LITAF: variants seen among roughly 807,000 people sequenced by gnomAD.
LITAF encodes the protein lipopolysaccharide-induced tumor necrosis factor-alpha factor.
In LITAF, 9 loss-of-function variants were observed where a neutral mutation model predicts 14.5. The ratio of observed to expected loss-of-function variants is 0.62; its 90% CI spans 0.37 to 1.08. The LOEUF is 1.08. Among genes scored for constraint, LITAF ranks in the 50% least tolerant of loss-of-function variants. LITAF has a pLI of 0.01. For synonymous variants in LITAF, 98 were observed against 88.2 expected (o/e 1.11, Z -0.62); for missense variants, 206 against 213.4 (o/e 0.97, Z 0.22).
rs184046482 is a variant in LITAF, at chr16:11,592,850, A to G, written c.-6+5538T>C. Among the ~76,000 whole-genome samples the G allele has an allele frequency of 2.9e-3, 437 of 152,162 alleles. 2 individuals carry two copies. The highest frequency in any genetic ancestry group is 2.7e-3 in the Non-Finnish European group (181 of 67,992). On this transcript the variant is annotated intron_variant, in intron 1 of 3. Transcript: ENST00000571627. ...CAGGAGTTTGAGACCATCCTGGCCT[A>G]TGTGGCGAAACCCCATCTCTGCTAA... is the stretch of plus-strand genomic sequence containing the variant.
chr16:11,577,315 T>C (rs1421442039), intron 1 of LITAF, among the ~76,000 whole-genome samples: 2 of 100,370 alleles, frequency 2.0e-5, no homozygotes, highest in African/African-American at 4.5e-5. Context: ...TAGAAGTGTC[T>C]ATTTTTTTTT....
At chr16:11,597,708 G>T (rs2064899105) in intron 1 of LITAF, among the ~76,000 whole-genome samples, 1 of 152,154 alleles carries the variant, frequency 6.6e-6, no homozygotes, top group Non-Finnish European at 1.5e-5. Flanking sequence ...GTCCTACAGA[G>T]CCCAACTCAC....
chr16:11,603,783 G>A (rs1039216964), intron 3 of LITAF, among the ~76,000 whole-genome samples: 7 of 152,190 alleles, frequency 4.6e-5, no homozygotes, highest in East Asian at 3.8e-4. Context: ...AGGGGCTCAC[G>A]CCTGTAATCC....
rs919533086 is a variant in LITAF, at chr16:11,634,251, C to A, written c.-20-614G>T. 6.6e-6 allele frequency among the ~76,000 whole-genome samples: 1 copy of A among 152,198 alleles called. No individual in the cohort carries two copies. The highest frequency in any genetic ancestry group is 1.5e-5 in the Non-Finnish European group (1 of 68,046). On this transcript the variant is annotated intron_variant, in intron 2 of 3. Coordinates refer to the LITAF transcript ENST00000574848. The surrounding 1 kb of genome is among the most constrained non-coding windows in gnomAD (Gnocchi z 4.1). Reference sequence around the variant, plus strand: ...TCTTGCCTTTCACCTCCAAACTGCTCTTCATCATTCCTGGACTTGGGCCAA... The same window carrying A: ...TCTTGCCTTTCACCTCCAAACTGCTATTCATCATTCCTGGACTTGGGCCAA...
At position 11,619,148 on chromosome 16, in the gene LITAF, T is replaced by G. The variant is rs2065035020; in HGVS notation, c.85+14385A>C. On this transcript the variant is annotated intron_variant, in intron 3 of 3. Transcript: ENST00000574848. ...CAACATGGCAAAACCCCTTCTCTACTAAAAATACAAAATTTAGCTTGGTGT... is the reference window on the plus strand; with the variant it reads ...CAACATGGCAAAACCCCTTCTCTACGAAAAATACAAAATTTAGCTTGGTGT... 2.0e-5 allele frequency among the ~76,000 whole-genome samples: 3 copies of G among 151,748 alleles called. No homozygotes were observed. In the South Asian group the frequency reaches 6.2e-4, roughly 32 times the overall value.
intron 3 of LITAF, among the ~76,000 whole-genome samples, chr16:11,608,832 G>A (rs946803447): frequency 1.3e-5 from 2 of 152,120 alleles, no homozygotes; most frequent in Non-Finnish European, 2.9e-5. Context: ...GCATGGTGCC[G>A]CATGTCTCTA....
At chr16:11,575,111 T>C (rs1597350950) in intron 1 of LITAF, among the ~76,000 whole-genome samples, 5 of 151,454 alleles carry the variant, frequency 3.3e-5, no homozygotes, top group Admixed American at 3.3e-4. Flanking sequence ...CCTAAAGTTC[T>C]TTTTTTTTCA....
chr16:11,625,369 C>T (rs1301385603), intron 3 of LITAF, among the ~76,000 whole-genome samples: 1 of 151,592 alleles, frequency 6.6e-6, no homozygotes. Flanking sequence ...CTTAAGCAAT[C>T]CTCCCACATC....
chr16:11,575,087 G>A (rs1199866512), intron 1 of LITAF, among the ~76,000 whole-genome samples: 1 of 152,176 alleles, frequency 6.6e-6, no homozygotes, highest in Admixed American at 6.5e-5. Context: ...ACAGGCGTGA[G>A]CCACTGCACC....
chr16:11,628,009 CAAAAAAA>C (rs34480494), intron 3 of LITAF, among the ~76,000 whole-genome samples: 14 of 54,738 alleles, frequency 2.6e-4, no homozygotes, highest in African/African-American at 1.4e-3. Flanking sequence ...GAGACTCTGT[CAAAAAAA>C]AAAAAAAAAA....
At chr16:11,576,280 C>T (rs550802477) in intron 1 of LITAF, among the ~76,000 whole-genome samples, 2 of 152,060 alleles carry the variant, frequency 1.3e-5, no homozygotes, top group South Asian at 4.2e-4. Context: ...ACCAGCCTGG[C>T]CAACATGGTG....
intron 3 of LITAF, among the ~76,000 whole-genome samples, chr16:11,630,819 C>T (rs1313525976): frequency 6.6e-6 from 1 of 151,834 alleles, no homozygotes; most frequent in Non-Finnish European, 1.5e-5. Flanking sequence ...TGGTCTTGAA[C>T]TCCTGGCCTC....
chr16:11,601,619 G>C (rs932566592), upstream of LITAF, among the ~76,000 whole-genome samples: 2 of 152,116 alleles, frequency 1.3e-5, no homozygotes, highest in African/African-American at 2.4e-5. Flanking sequence ...GCTCAGGCTG[G>C]AGTGCGGTGG....
At chr16:11,570,971 A>G (rs936698846) in intron 1 of LITAF, among the ~76,000 whole-genome samples, 1 of 152,108 alleles carries the variant, frequency 6.6e-6, no homozygotes, top group African/African-American at 2.4e-5. Flanking sequence ...GGAAGGAGCC[A>G]TAAATTAAGA....
intron 2 of LITAF, among the ~76,000 whole-genome samples, chr16:11,554,729 A>G (rs990918694): frequency 1.4e-5 from 2 of 147,066 alleles, no homozygotes; most frequent in Non-Finnish European, 3.0e-5. Flanking sequence ...CAGAGGTTGC[A>G]GTGAGCCGAG....
At chr16:11,601,760 A>G (rs1445627874), upstream of LITAF, among the ~76,000 whole-genome samples, 1 of 151,984 alleles carries the variant, frequency 6.6e-6, no homozygotes, top group Non-Finnish European at 1.5e-5. Context: ...GGGTTTTACC[A>G]TGTTGCCCAG....
intron 3 of LITAF, among the ~76,000 whole-genome samples, chr16:11,630,556 C>T (rs1466015221): frequency 6.7e-6 from 1 of 149,406 alleles, no homozygotes; most frequent in Admixed American, 6.8e-5. Context: ...CTTCCCCTAC[C>T]TGCCCCTGGC....
At position 11,586,796 on chromosome 16, in the gene LITAF, T is replaced by C. The variant is rs2064812896; in HGVS notation, c.-6+90A>G. The C allele has an allele frequency of 1.3e-5, 2 of 151,600 alleles. No homozygotes were observed. Among genetic ancestry groups the C allele is most frequent in the Non-Finnish European group, 3.0e-5 (2 of 67,694 alleles). 9.4% of individuals were successfully genotyped at this position (151,600 alleles called of 1,614,324 possible). A position where few individuals can be genotyped will look rare whatever the true frequency, so the allele number is the denominator to read the frequency against. On this transcript the variant is annotated intron_variant, in intron 1 of 3. Transcript: ENST00000622633. This position sits in a 1 kb window ranked among gnomAD's most constrained non-coding sequence, Gnocchi z 6.5. ...CAGGAGGCCCCAGCCAAGGGCTCAG[T>C]GCCCGGGGCCCCCAGCAGGTGCTGG...
intron 1 of LITAF, among the ~76,000 whole-genome samples, chr16:11,579,563 C>G (rs1455754844): frequency 6.6e-6 from 1 of 151,000 alleles, no homozygotes; most frequent in Non-Finnish European, 1.5e-5. Context: ...AGGTTAGGAC[C>G]CTGGCCCAGA....
Sources: allele counts gnomAD v4.1 joint callset (sites outside exome capture counted in the v4.1 genomes callset), GRCh38; gene constraint gnomAD v4.1.1; non-coding constraint Gnocchi (gnomAD v3.1); transcripts MANE v1.5; gene names NCBI Gene and HGNC (gene_info 2026-07-23, HGNC 2026-07-21).